Variants in MYCBP2 observed in about 807,000 individuals in gnomAD.
The protein encoded by MYCBP2 is E3 ubiquitin-protein ligase MYCBP2.
In MYCBP2, 120 loss-of-function variants were observed where a neutral mutation model predicts 525.3. The ratio of observed to expected loss-of-function variants is 0.23; its 90% CI spans 0.20 to 0.27. MYCBP2 has a LOEUF of 0.27. MYCBP2 is among the 10% of genes least tolerant of loss of function. The probability of loss-of-function intolerance (pLI) is 1.00; values close to 1 mark genes in which losing one functional copy is unlikely to be tolerated. For synonymous variants in MYCBP2, 1,894 were observed against 1,955.8 expected, an observed-to-expected ratio of 0.97 and a Z score of 0.83; for missense variants, 4,149 against 5,657.1, an observed-to-expected ratio of 0.73 and a Z score of 8.55.
intron 67 of MYCBP2, 49 bp downstream of exon 67, chr13:77,077,099 T>C (rs747392656): frequency 6.3e-7 from 1 of 1,576,114 alleles, no homozygotes. Context: ...ACTCTTAAAA[T>C]ATATTACATC....
chr13:77,242,801 T>C (rs76799921), intron 17 of MYCBP2, among the ~76,000 whole-genome samples: 4,495 of 152,342 alleles, frequency 0.03, 96 homozygotes, highest in East Asian at 0.053. Flanking sequence ...CAGTTCTTAA[T>C]ATGGCTGACT....
At position 77,252,195 on chromosome 13, in the gene MYCBP2, A is replaced by C. The variant is rs368691722; in HGVS notation, c.2177-840T>G. Reference sequence around the variant, plus strand: ...TATACTCCAGGGATTCCTTCACGGCAAGAAATCAGCAAACCTTTTATAAAG... The same window carrying C: ...TATACTCCAGGGATTCCTTCACGGCCAGAAATCAGCAAACCTTTTATAAAG... On this transcript the variant is annotated intron_variant, in intron 14 of 82. Transcript: ENST00000544440. Among the ~76,000 whole-genome samples, 19 of 152,302 alleles carry C rather than the reference A, an allele frequency of 1.2e-4. 1 individual carries two copies. The South Asian group carries it at 3.9e-3, about 32-fold the overall frequency.
At chr13:77,252,259 C>G (rs890404491) in intron 14 of MYCBP2, among the ~76,000 whole-genome samples, 1 of 152,144 alleles carries the variant, frequency 6.6e-6, no homozygotes, top group African/African-American at 2.4e-5. Context: ...CCATACAAAT[C>G]TTTGTCACAT....
rs571243763 is a variant in MYCBP2 at position 77,287,099 on chromosome 13, G to C, written c.594+1062C>G. ...AGACGGGGTTTCACCGTGTTAGCCA[G>C]GATGGTCTCGATCTCCTGACCTCGT... is the stretch of plus-strand genomic sequence containing the variant. On this transcript the variant is annotated intron_variant, in intron 3 of 82. Coordinates refer to ENST00000544440, the MANE Select transcript of MYCBP2 (RefSeq NM_015057.5). Among the ~76,000 whole-genome samples, 282 of 151,528 alleles carry C rather than the reference G, an allele frequency of 1.9e-3. 1 individual carries two copies. The highest frequency in any genetic ancestry group is 2.8e-3 in the Non-Finnish European group (187 of 67,914).
intron 69 of MYCBP2, among the ~76,000 whole-genome samples, chr13:77,069,673 G>A (rs1456751162): frequency 2.7e-5 from 4 of 146,942 alleles, no homozygotes; most frequent in Non-Finnish European, 6.0e-5. Context: ...TGGCTAACAC[G>A]GTGAAACCCC....
Position 77,319,993 on chromosome 13 carries a change from G to A in MYCBP2, c.302+6481C>T, listed in dbSNP as rs182477546. 9.2e-5 allele frequency among the ~76,000 whole-genome samples: 14 copies of A among 152,306 alleles called. No homozygotes were observed. In the East Asian group the frequency reaches 2.3e-3, roughly 25 times the overall value. On this transcript the variant is annotated intron_variant, in intron 1 of 82. Coordinates refer to ENST00000544440, the MANE Select transcript of MYCBP2 (RefSeq NM_015057.5). ...CAACAACTGTGGGGCAGTGAAAGAC[G>A]TAAGACTGAACAGAGGAAGGAGTTG...
chr13:77,074,473 T>G (rs2041952476), intron 68 of MYCBP2, among the ~76,000 whole-genome samples: 1 of 152,178 alleles, frequency 6.6e-6, no homozygotes, highest in African/African-American at 2.4e-5. Flanking sequence ...TAAAAACTTC[T>G]GTTCTCTGAA....
At chr13:77,061,518 G>C (rs555325575) in intron 75 of MYCBP2, 144 bp downstream of exon 75, 2 of 993,584 alleles carry the variant, frequency 2.0e-6, no homozygotes, top group African/African-American at 3.3e-5. Context: ...GCTATTTATA[G>C]ATGGTAAGCG....
intron 23 of MYCBP2, among the ~76,000 whole-genome samples, chr13:77,208,611 A>G (rs1413042798): frequency 6.6e-6 from 1 of 152,190 alleles, no homozygotes; most frequent in Non-Finnish European, 1.5e-5. Flanking sequence ...TCTAACTTTT[A>G]GAGTAGGTAT....
intron 72 of MYCBP2, among the ~76,000 whole-genome samples, chr13:77,065,283 G>C (rs2040012961): frequency 6.6e-6 from 1 of 152,312 alleles, no homozygotes; most frequent in Non-Finnish European, 1.5e-5. Context: ...CACAGAGGTT[G>C]AGAAAATATC....
chr13:77,097,327 A>C (rs758753869), intron 56 of MYCBP2, 43 bp downstream of exon 56: 22 of 1,540,044 alleles, frequency 1.4e-5, no homozygotes, highest in Non-Finnish European at 1.9e-5. Context: ...CTGGTTCATT[A>C]AAGAAAAAAG....
intron 2 of MYCBP2, among the ~76,000 whole-genome samples, chr13:77,290,527 T>A (rs2077360134): frequency 6.6e-6 from 1 of 152,176 alleles, no homozygotes; most frequent in African/African-American, 2.4e-5. Context: ...AAATGCTTAC[T>A]CATCAAGGAA....
intron 80 of MYCBP2, among the ~76,000 whole-genome samples, chr13:77,054,084 T>A (rs2037369713): frequency 6.6e-6 from 1 of 152,130 alleles, no homozygotes; most frequent in Non-Finnish European, 1.5e-5. Flanking sequence ...AGGTGAAACC[T>A]GAGCTGAAGC....
Position 77,055,744 on chromosome 13 carries a change from T to G in MYCBP2, c.13461A>C (p.Leu4487=). 1 of 1,612,516 alleles carries G rather than the reference T, an allele frequency of 6.2e-7. No homozygotes were observed. The change falls in exon 80 of 83, where the codon CTA becomes CTC. Residue 4487 remains leucine, a synonymous_variant. Coordinates refer to ENST00000544440, the MANE Select transcript of MYCBP2 (RefSeq NM_015057.5). ...ICKNKINHIV[L]KDLLDPIKEL... is the part of the protein sequence containing the mutation. ...CTTTTATTGGATCAAGTAGGTCTTT[T>G]AGTACTATGTGATTAATTTTGTTCT...
intron 1 of MYCBP2, among the ~76,000 whole-genome samples, chr13:77,318,318 A>G (rs1443185250): frequency 6.6e-6 from 1 of 152,220 alleles, no homozygotes; most frequent in South Asian, 2.1e-4. Flanking sequence ...CCATGCACTC[A>G]TAGGCCAAAA....
intron 1 of MYCBP2, among the ~76,000 whole-genome samples, chr13:77,319,883 T>C (rs1039667086): frequency 3.3e-5 from 5 of 152,304 alleles, no homozygotes; most frequent in African/African-American, 1.2e-4. Flanking sequence ...TGGCACCAAC[T>C]GCTTTGGGTA....
At chr13:77,206,055 T>C (rs984608414) in intron 24 of MYCBP2, among the ~76,000 whole-genome samples, 1 of 152,152 alleles carries the variant, frequency 6.6e-6, no homozygotes, top group East Asian at 1.9e-4. Flanking sequence ...TTTAGGAATA[T>C]GATTTCACAC....
Position 77,278,763 on chromosome 13 carries a change from A to C in MYCBP2, c.743T>G (p.Val248Gly). ...PEGLQSEPPE[V>G]LESLFQLLLE... Reference sequence around the variant, plus strand: ...GAATGAGCCTTGGCTCTTACCTAGGACCTCAGGTGGCTCAGACTGGAGGCC... The same window carrying C: ...GAATGAGCCTTGGCTCTTACCTAGGCCCTCAGGTGGCTCAGACTGGAGGCC... The change falls in exon 4 of 83, where the codon GTC (valine) becomes GGC (glycine). Residue 248 changes from valine to glycine, a missense_variant. Physicochemically the swap from Val to Gly is moderately radical, Grantham distance 109. Coordinates refer to ENST00000544440, the MANE Select transcript of MYCBP2 (RefSeq NM_015057.5). The C allele has an allele frequency of 6.5e-7, 1 of 1,541,658 alleles. No homozygotes were observed. Among genetic ancestry groups the C allele is most frequent in the Non-Finnish European group, 8.7e-7 (1 of 1,149,460 alleles).
chr13:77,176,006 C>A (rs1595145855), intron 36 of MYCBP2, among the ~76,000 whole-genome samples: 2 of 134,654 alleles, frequency 1.5e-5, no homozygotes, highest in Non-Finnish European at 1.6e-5. Context: ...CAAAACAAAA[C>A]AAAACAAAAA....
Sources: allele counts gnomAD v4.1 joint callset (sites outside exome capture counted in the v4.1 genomes callset), GRCh38; gene constraint gnomAD v4.1.1; transcripts MANE v1.5; gene names NCBI Gene and HGNC (gene_info 2026-07-23, HGNC 2026-07-21).